Variants in TOB1 observed in about 807,000 individuals in gnomAD.
The protein encoded by TOB1 is transducer of ERBB2, 1.
TOB1 carries 2 observed loss-of-function variants against 22.9 expected under a neutral mutation model. The observed-to-expected ratio is 0.09, with a 90% CI of 0.04 to 0.28. The LOEUF is 0.28. Ranked by LOEUF, TOB1 falls within the 10% of genes least tolerant of loss-of-function variation. TOB1 has a pLI of 1.00. For synonymous variants in TOB1, 154 were observed against 150.6 expected (o/e 1.02, Z -0.17); for missense variants, 299 against 420.5 (o/e 0.71, Z 2.53).
rs1367427187 is a variant in TOB1 at position 50,863,225 on chromosome 17, A to T, written c.793T>A (p.Ser265Thr). The T allele has an allele frequency of 6.2e-7, 1 of 1,613,934 alleles. No individual in the cohort carries two copies. Among genetic ancestry groups the T allele is most frequent in the Non-Finnish European group, 8.5e-7 (1 of 1,179,992 alleles). Residue 265 changes from serine to threonine, a missense_variant, in exon 2 of 2, where the codon TCT (serine) becomes ACT (threonine). Coordinates refer to ENST00000499247, the MANE Select transcript of TOB1 (RefSeq NM_005749.4). ...TCCTTGGCATTAGGAGAAAGAGCAG[A>T]GGTTTTCTGCTGTTGTTGCTGCTGT... ...PPQQQQQQKT[S>T]ALSPNAKEFI...
chr17:50,863,904 C>T lies in TOB1; in HGVS notation c.114G>A (p.Lys38=). The change falls in exon 2 of 2, where the codon AAG becomes AAA. Residue 38 remains lysine, a synonymous_variant. Coordinates refer to ENST00000499247, the MANE Select transcript of TOB1 (RefSeq NM_005749.4). The part of the protein sequence containing the change: ...FGEELERLLK[K]KYEGHWYPEK... Reference sequence around the variant, plus strand: ...CAGGATACCAGTGCCCTTCATATTTCTTCTTAAGAAGTCTTTCAAGTTCTT... The same window carrying T: ...CAGGATACCAGTGCCCTTCATATTTTTTCTTAAGAAGTCTTTCAAGTTCTT... 1 of 1,614,000 alleles carries T rather than the reference C, an allele frequency of 6.2e-7. No homozygotes were observed. The highest frequency in any genetic ancestry group is 1.1e-5 in the South Asian group (1 of 91,072).
upstream of TOB1, chr17:50,867,867 C>T (rs949163371): frequency 2.1e-4 from 32 of 152,224 alleles, no homozygotes; most frequent in African/African-American, 7.7e-4. Context: ...GGGCACAAAC[C>T]CGCCGTACAT....
At chr17:50,864,457 G>A (rs540933567) in intron 1 of TOB1, among the ~76,000 whole-genome samples, 2 of 152,168 alleles carry the variant, frequency 1.3e-5, no homozygotes, top group East Asian at 3.9e-4. Flanking sequence ...GTTCTAAGAA[G>A]AAAAATCTCT....
intron 1 of TOB1, among the ~76,000 whole-genome samples, chr17:50,865,798 C>CA (rs1180022756): frequency 1.3e-5 from 2 of 152,064 alleles, no homozygotes; most frequent in African/African-American, 2.4e-5. Context: ...CCGGGCACCC[C>CA]AACCCCCCAA....
In TOB1 at chr17:50,863,031, T is replaced by A. The variant is rs754991713; in HGVS notation, c.987A>T (p.Leu329Phe). The change falls in exon 2 of 2, where the codon TTA becomes TTT. Residue 329 changes from leucine to phenylalanine, a missense_variant. Leu to Phe is a conservative substitution (Grantham distance 22). Transcript: ENST00000499247. Reference protein sequence around the residue: ...KSFVDGLNFSLNNMQYSNQQF... With the variant: ...KSFVDGLNFSFNNMQYSNQQF... ...GCTGGTTAGAATACTGCATGTTATT[T>A]AAGCTAAAATTCAAGCCATCTACAA... 3.1e-6 allele frequency: 5 copies of A among 1,613,972 alleles called. No individual in the cohort carries two copies. The highest frequency in any genetic ancestry group is 4.2e-6 in the Non-Finnish European group (5 of 1,179,998).
In TOB1 at chr17:50,862,771, G is replaced by C. The variant is rs1428346770; in HGVS notation, c.*209C>G. 1.6e-6 allele frequency: 1 copy of C among 620,778 alleles called. No homozygotes were observed. The highest frequency in any genetic ancestry group is 1.9e-5 in the African/African-American group (1 of 52,622). The allele number at this position is 620,778 out of a possible 1,614,324, so 38.5% of individuals were successfully genotyped here. On this transcript the variant is annotated 3_prime_UTR_variant, in exon 2 of 2. Coordinates refer to ENST00000499247, the MANE Select transcript of TOB1 (RefSeq NM_005749.4). ...TTAAATACTGTAAGAGGCCATATCT[G>C]AGAGTATACTTTAAAATATACAGTC...
rs764649619 is a variant in TOB1 at position 50,863,133 on chromosome 17, G to A, written c.885C>T (p.Pro295=). 3.1e-6 allele frequency: 5 copies of A among 1,614,166 alleles called. No homozygotes were observed. The highest frequency in any genetic ancestry group is 4.2e-6 in the Non-Finnish European group (5 of 1,180,036). Residue 295 remains proline, a synonymous_variant, in exon 2 of 2, where the codon CCC becomes CCT. Transcript: ENST00000499247. ...TGTACTGGAGAGGACTGAGGTTAAG[G>A]GGGCTGTCACCTGGGAACATTCCAT... ...STNGMFPGDS[P]LNLSPLQYSN...
Position 50,863,019 on chromosome 17 carries a change from C to T in TOB1, c.999G>A (p.Gln333=). 6.2e-7 allele frequency: 1 copy of T among 1,613,672 alleles called. No homozygotes were observed. Among genetic ancestry groups the T allele is most frequent in the Non-Finnish European group, 8.5e-7 (1 of 1,179,916 alleles). Residue 333 remains glutamine, a synonymous_variant, in exon 2 of 2, where the codon CAG becomes CAA. Coordinates refer to ENST00000499247, the MANE Select transcript of TOB1 (RefSeq NM_005749.4). ...DGLNFSLNNM[Q]YSNQQFQPVM... ...CAGGCTGGAATTGCTGGTTAGAATA[C>T]TGCATGTTATTTAAGCTAAAATTCA...
In TOB1 at chr17:50,862,348, AAATT is replaced by A. The variant is rs2143334560; in HGVS notation, c.*628_*631del. 2 of 152,758 alleles carry A rather than the reference AAATT, an allele frequency of 1.3e-5. No homozygotes were observed. Among genetic ancestry groups the A allele is most frequent in the South Asian group, 4.1e-4 (2 of 4,820 alleles). The allele number at this position is 152,758 out of a possible 1,614,324, so 9.5% of individuals were successfully genotyped here. On this transcript the variant is annotated 3_prime_UTR_variant, in exon 2 of 2. Coordinates refer to ENST00000499247, the MANE Select transcript of TOB1 (RefSeq NM_005749.4). The stretch of plus-strand genomic sequence containing the variant: ...TCAAGTATTGCACAATATAGGTACA[AAATT>A]AATATTTACGATTACATTTTTCTTC...
At chr17:50,865,773 G>A (rs1406932402) in intron 1 of TOB1, among the ~76,000 whole-genome samples, 2 of 152,000 alleles carry the variant, frequency 1.3e-5, no homozygotes, top group African/African-American at 2.4e-5. Context: ...GTTCCACCGC[G>A]AGCTCGTCGC....
chr17:50,863,090 A>G lies in TOB1; in HGVS notation c.928T>C (p.Phe310Leu). The G allele has an allele frequency of 1.2e-6, 2 of 1,614,220 alleles. No individual in the cohort carries two copies. Among genetic ancestry groups the G allele is most frequent in the Non-Finnish European group, 1.7e-6 (2 of 1,180,034 alleles). ...PLQYSNAFDVFAAYGGLNEKS... is the reference protein window; with the variant it reads ...PLQYSNAFDVLAAYGGLNEKS... The stretch of plus-strand genomic sequence containing the variant: ...TCATTGAGGCCTCCATAGGCTGCAA[A>G]CACATCAAAGGCATTACTGTACTGG... Residue 310 changes from phenylalanine to leucine, a missense_variant, in exon 2 of 2, where the codon TTT becomes CTT. By Grantham distance (22) the Phe-to-Leu change is conservative (BLOSUM62 0). Coordinates refer to ENST00000499247, the MANE Select transcript of TOB1 (RefSeq NM_005749.4).
chr17:50,863,364 C>T lies in TOB1; in HGVS notation c.654G>A (p.Lys218=), dbSNP rs1427656380. 6.2e-7 allele frequency: 1 copy of T among 1,613,998 alleles called. No homozygotes were observed. The highest frequency in any genetic ancestry group is 1.3e-5 in the African/African-American group (1 of 74,878). ...NLGLNVNDLL[K]QKAISSSMHS... is the part of the protein sequence containing the mutation. The stretch of plus-strand genomic sequence containing the variant: ...GCATTGAGGAAGAGATGGCTTTCTG[C>T]TTCAAGAGGTCATTCACATTCAAGC... The change falls in exon 2 of 2, where the codon AAG becomes AAA. Residue 218 remains lysine (K), a synonymous_variant. Transcript: ENST00000499247.
At position 50,863,460 on chromosome 17, in the gene TOB1, C is replaced by A. The variant is rs112757466; in HGVS notation, c.558G>T (p.Lys186Asn). The A allele has an allele frequency of 1.2e-6, 2 of 1,614,010 alleles. No individual in the cohort carries two copies. The highest frequency in any genetic ancestry group is 8.5e-7 in the Non-Finnish European group (1 of 1,180,044). The change falls in exon 2 of 2, where the codon AAG becomes AAT. Residue 186 changes from lysine to asparagine, a missense_variant. By Grantham distance (94) the Lys-to-Asn change is moderately conservative (BLOSUM62 0). Transcript: ENST00000499247. Reference protein sequence around the residue: ...TFTTATFAATKFGSTKMKNSG... With the variant: ...TFTTATFAATNFGSTKMKNSG... ...TATTCTTCATTTTGGTAGAGCCGAACTTGGTGGCAGCAAAAGTGGCAGTGG... is the reference window on the plus strand; with the variant it reads ...TATTCTTCATTTTGGTAGAGCCGAAATTGGTGGCAGCAAAAGTGGCAGTGG...
In TOB1 at chr17:50,866,292, G is replaced by C. The variant is rs1157416426; in HGVS notation, c.-381C>G. 6.6e-6 allele frequency: 1 copy of C among 152,296 alleles called. No homozygotes were observed. The highest frequency in any genetic ancestry group is 1.5e-5 in the Non-Finnish European group (1 of 68,134). The allele number at this position is 152,296 out of a possible 1,614,324, so 9.4% of individuals were successfully genotyped here. On this transcript the variant is annotated 5_prime_UTR_variant, in exon 1 of 2. Coordinates refer to ENST00000499247, the MANE Select transcript of TOB1 (RefSeq NM_005749.4). Reference sequence around the variant, plus strand: ...CGCGCTCACTTCTCCACACAGCCCGGTGCCCGGCCCAGCGTCCCCGTAGTG... The same window carrying C: ...CGCGCTCACTTCTCCACACAGCCCGCTGCCCGGCCCAGCGTCCCCGTAGTG...
intron 1 of TOB1, among the ~76,000 whole-genome samples, chr17:50,864,800 T>C (rs1383206507): frequency 1.3e-5 from 2 of 152,254 alleles, no homozygotes; most frequent in African/African-American, 4.8e-5. Context: ...GCCTTAAGTA[T>C]ACTAAGAGCA....
intron 1 of TOB1, among the ~76,000 whole-genome samples, chr17:50,864,469 G>T (rs1597990338): frequency 6.6e-6 from 1 of 152,032 alleles, no homozygotes; most frequent in East Asian, 1.9e-4. Flanking sequence ...AAAATCTCTA[G>T]AACATGCATT....
At chr17:50,865,218 G>A (rs567331742) in intron 1 of TOB1, among the ~76,000 whole-genome samples, 1 of 152,318 alleles carries the variant, frequency 6.6e-6, no homozygotes, top group South Asian at 2.1e-4. Context: ...CATATTCGTG[G>A]TGACAAAGGG....
chr17:50,864,551 G>A (rs1204128318), intron 1 of TOB1, among the ~76,000 whole-genome samples: 1 of 151,514 alleles, frequency 6.6e-6, no homozygotes, highest in Non-Finnish European at 1.5e-5. Context: ...ATATATAGAT[G>A]CCACTTTTAG....
At chr17:50,865,708 C>T (rs913000767) in intron 1 of TOB1, among the ~76,000 whole-genome samples, 1 of 152,192 alleles carries the variant, frequency 6.6e-6, no homozygotes, top group East Asian at 1.9e-4. Flanking sequence ...TGGGGGAGCA[C>T]CGGTTCCTCG....
Sources: gnomAD v4.1 joint callset for allele counts (sites outside exome capture counted in the v4.1 genomes callset) on GRCh38, gnomAD v4.1.1 for gene constraint, MANE v1.5 for transcripts, NCBI Gene and HGNC (gene_info 2026-07-23, HGNC 2026-07-21) for gene names.